The following GBP1 variants were observed in gnomAD, a reference collection of about 807,000 sequenced individuals.
GBP1 encodes guanylate binding protein 1.
In GBP1, 64 loss-of-function variants were observed where a neutral mutation model predicts 69.5. The observed-to-expected ratio is 0.92, with a 90% confidence interval of 0.75 to 1.13. The LOEUF is 1.13. Ranked by LOEUF, GBP1 falls within the 50% of genes most tolerant of loss-of-function variation. GBP1 has a pLI of 0.00. For synonymous variants in GBP1, 250 were observed against 261.2 expected (o/e 0.96, Z 0.41); for missense variants, 630 against 704.1 (o/e 0.89, Z 1.19).
At chr1:89,055,724 T>C (rs566670734) in intron 8 of GBP1, 60 of 485,984 alleles carry the variant, frequency 1.2e-4, no homozygotes, top group South Asian at 7.6e-4. Flanking sequence ...GCAGCCATCA[T>C]TGGGTTCCTG....
rs766728883 is a variant in GBP1, at chr1:89,063,094, G to C, written c.141C>G (p.Tyr47Ter). Residue 47 changes from tyrosine (Y) to a stop codon, truncating the protein, a stop_gained, in exon 2 of 11, where the codon TAC becomes TAG. Transcript: ENST00000370473. LOFTEE classifies it high-confidence loss of function. ...PMVVVAIVGL[Y>*]RTGKSYLMNK... ...TCATCAGGTAGGATTTGCCTGTGCGGTAGAGGCCCACAATTGCCACCACCA... is the reference window on the plus strand; with the variant it reads ...TCATCAGGTAGGATTTGCCTGTGCGCTAGAGGCCCACAATTGCCACCACCA... 1.2e-6 allele frequency: 2 copies of C among 1,613,914 alleles called. No individual in the cohort carries two copies. Among genetic ancestry groups the C allele is most frequent in the Non-Finnish European group, 8.5e-7 (1 of 1,179,968 alleles).
Position 89,055,224 on chromosome 1 carries a change from C to G in GBP1, c.1369-9G>C. The G allele has an allele frequency of 1.9e-6, 3 of 1,612,922 alleles. No individual in the cohort carries two copies. Among genetic ancestry groups the G allele is most frequent in the Non-Finnish European group, 2.5e-6 (3 of 1,179,764 alleles). On this transcript the variant is annotated splice_polypyrimidine_tract_variant and intron_variant, in intron 8 of 10. Transcript: ENST00000370473. ...TGCAGAATCTCTTCAGCCTTAGGACCCAGAGAACACAGAGTGAGAAGTAGG... is the reference window on the plus strand; with the variant it reads ...TGCAGAATCTCTTCAGCCTTAGGACGCAGAGAACACAGAGTGAGAAGTAGG...
At position 89,053,556 on chromosome 1, in the gene GBP1, A is replaced by G. The variant is rs958643835; in HGVS notation, c.1666-88T>C. The G allele has an allele frequency of 1.4e-5, 22 of 1,532,888 alleles. No homozygotes were observed. The African/African-American group carries it at 1.9e-4, about 14-fold the overall frequency. The allele number at this position is 1,532,888 out of a possible 1,614,324, so 95.0% of individuals were successfully genotyped here. A position where few individuals can be genotyped will look rare whatever the true frequency, so the allele number is the denominator to read the frequency against. The stretch of plus-strand genomic sequence containing the variant: ...TGGTTTCCACATTAAATGATTTGTT[A>G]TTTAATTTTCTCTGAGTCACGCAAG... On this transcript the variant is annotated intron_variant, in intron 10 of 10. Coordinates refer to ENST00000370473, the MANE Select transcript of GBP1 (RefSeq NM_002053.3).
At chr1:89,058,427 T>C in intron 5 of GBP1, 193 bp from the exon 6 acceptor site, 1 of 572,262 alleles carries the variant, frequency 1.7e-6, no homozygotes, top group Non-Finnish European at 3.0e-6. Context: ...AAAAACCTTA[T>C]TTACAAAGAC....
intron 10 of GBP1, 136 bp from the exon 11 acceptor site, chr1:89,053,604 T>A: frequency 7.4e-7 from 1 of 1,351,656 alleles, no homozygotes; most frequent in African/African-American, 1.5e-5. Flanking sequence ...TACTTTGGCC[T>A]ATCATTGACC....
At position 89,063,253 on chromosome 1, in the gene GBP1, T is replaced by C. The variant is rs1448243964; in HGVS notation, c.-19A>G. 7 of 1,610,286 alleles carry C rather than the reference T, an allele frequency of 4.3e-6. No individual in the cohort carries two copies. The East Asian group carries it at 1.3e-4, about 31-fold the overall frequency. The stretch of plus-strand genomic sequence containing the variant: ...ATGCCATGTCCAGGCTGTTCCCTTG[T>C]CTGCAAGAGAAGAGGTGAAATACAT... On this transcript the variant is annotated splice_region_variant and 5_prime_UTR_variant, in exon 2 of 11. Transcript: ENST00000370473.
rs752506004 is a variant in GBP1, at chr1:89,055,234, C to G, written c.1369-19G>C. 2 of 1,613,066 alleles carry G rather than the reference C, an allele frequency of 1.2e-6. No homozygotes were observed. Among genetic ancestry groups the G allele is most frequent in the East Asian group, 4.5e-5 (2 of 44,880 alleles). ...CTTCAGCCTTAGGACCCAGAGAACA[C>G]AGAGTGAGAAGTAGGAAATGGCTGT... On this transcript the variant is annotated intron_variant, in intron 8 of 10. Coordinates refer to ENST00000370473, the MANE Select transcript of GBP1 (RefSeq NM_002053.3).
In GBP1 at chr1:89,053,662, G is replaced by A. The variant is rs183831092; in HGVS notation, c.1666-194C>T. On this transcript the variant is annotated intron_variant, in intron 10 of 10. Coordinates refer to ENST00000370473, the MANE Select transcript of GBP1 (RefSeq NM_002053.3). Reference sequence around the variant, plus strand: ...CCTATTATGTATATGACATAACACCGAAATAAGCAAAGTATCCTCAAAATC... The same window carrying A: ...CCTATTATGTATATGACATAACACCAAAATAAGCAAAGTATCCTCAAAATC... Among the ~76,000 whole-genome samples the A allele has an allele frequency of 3.2e-4, 49 of 152,230 alleles. No homozygotes were observed. The East Asian group carries it at 7.9e-3, about 25-fold the overall frequency.
chr1:89,057,158 A>G (rs937764753), intron 6 of GBP1, 24 bp from the exon 7 acceptor site: 2 of 1,611,668 alleles, frequency 1.2e-6, no homozygotes, highest in African/African-American at 2.7e-5. Context: ...ACAAATGATA[A>G]TGTTTCTGGT....
intron 8 of GBP1, chr1:89,055,765 T>A: frequency 1.8e-6 from 1 of 558,660 alleles, no homozygotes; most frequent in Non-Finnish European, 3.2e-6. Flanking sequence ...CCAGCTGTAA[T>A]GATGACAATA....
chr1:89,055,097 T>G lies in GBP1; in HGVS notation c.1471+16A>C. On this transcript the variant is annotated intron_variant, in intron 9 of 10. Coordinates refer to ENST00000370473, the MANE Select transcript of GBP1 (RefSeq NM_002053.3). ...GGAGCTTTTGAGGCCATCTAATCTCTTAACTCACTCCTCACCTTCAATCTC... is the reference window on the plus strand; with the variant it reads ...GGAGCTTTTGAGGCCATCTAATCTCGTAACTCACTCCTCACCTTCAATCTC... The G allele has an allele frequency of 6.2e-7, 1 of 1,604,160 alleles. No individual in the cohort carries two copies. The highest frequency in any genetic ancestry group is 8.5e-7 in the Non-Finnish European group (1 of 1,176,084).
rs1680103415 is a variant in GBP1 at position 89,058,552 on chromosome 1, C to T, written c.631+289G>A. ...CTTTAAATAAATATCCATTGTACTCCATACTCTATGGCTAAGTAGAAGATC... is the reference window on the plus strand; with the variant it reads ...CTTTAAATAAATATCCATTGTACTCTATACTCTATGGCTAAGTAGAAGATC... On this transcript the variant is annotated intron_variant, in intron 5 of 10. Coordinates refer to ENST00000370473, the MANE Select transcript of GBP1 (RefSeq NM_002053.3). 7.4e-6 allele frequency: 4 copies of T among 543,622 alleles called. No individual in the cohort carries two copies. In the South Asian group the frequency reaches 8.7e-5, roughly 12 times the overall value. 33.7% of individuals were successfully genotyped at this position (543,622 alleles called of 1,614,324 possible).
chr1:89,060,264 G>T lies in GBP1; in HGVS notation c.251C>A (p.Pro84His), dbSNP rs762511701. 1.2e-6 allele frequency: 2 copies of T among 1,603,042 alleles called. No homozygotes were observed. The highest frequency in any genetic ancestry group is 4.6e-5 in the East Asian group (2 of 43,894). Residue 84 changes from proline to histidine, a missense_variant, in exon 3 of 11, where the codon CCC becomes CAC. Pro to His is a moderately conservative substitution (Grantham distance 77, BLOSUM62 -2). This residue lies in a region of GBP1 where 131 missense variants were observed against 138.5 expected (regional missense o/e 0.95). Coordinates refer to ENST00000370473, the MANE Select transcript of GBP1 (RefSeq NM_002053.3). ...HTKGIWMWCV[P>H]HPKKPGHILV... ...GATGTGGCCTGGCTTCTTGGGGTGG[G>T]GCACACACCACATCCAGATTCCTTT...
At chr1:89,062,939 T>G in intron 2 of GBP1, 106 bp downstream of exon 2, 1 of 1,381,838 alleles carries the variant, frequency 7.2e-7, no homozygotes, top group South Asian at 1.2e-5. Context: ...GAAAGTTAGC[T>G]TTCAGTATTC....
intron 2 of GBP1, among the ~76,000 whole-genome samples, chr1:89,062,080 A>G (rs961961080): frequency 1.6e-4 from 25 of 152,200 alleles, no homozygotes; most frequent in Non-Finnish European, 2.2e-4. Flanking sequence ...AAAACGGTAC[A>G]GTCACTGTGG....
chr1:89,056,342 C>G, intron 7 of GBP1, 114 bp from the exon 8 acceptor site: 11 of 1,542,144 alleles, frequency 7.1e-6, no homozygotes, highest in Non-Finnish European at 9.7e-6. Flanking sequence ...GAGAAACTGA[C>G]AGCCTCCTCA....
At chr1:89,058,530 T>A (rs1279270982) in intron 5 of GBP1, 2 of 516,900 alleles carry the variant, frequency 3.9e-6, no homozygotes, top group Non-Finnish European at 6.8e-6. Context: ...CTATGTTCTT[T>A]AAATAAATAT....
chr1:89,064,236 TGTGTGA>T (rs1299735842), intron 1 of GBP1, among the ~76,000 whole-genome samples: 1,476 of 116,840 alleles, frequency 0.013, 5 homozygotes, highest in East Asian at 0.024. Flanking sequence ...TGTGTGTGTG[TGTGTGA>T]GAGAGAGAGA....
chr1:89,059,263 T>G (rs1680121004), intron 4 of GBP1, 54 bp downstream of exon 4: 1 of 1,614,040 alleles, frequency 6.2e-7, no homozygotes, highest in Non-Finnish European at 8.5e-7. Flanking sequence ...AGCTGGTGTA[T>G]GAATACAGGT....
Sources: allele counts gnomAD v4.1 joint callset (sites outside exome capture counted in the v4.1 genomes callset), GRCh38; gene constraint gnomAD v4.1.1; regional missense constraint gnomAD v4.1.1; transcripts MANE v1.5; gene names NCBI Gene and HGNC (gene_info 2026-07-23, HGNC 2026-07-21).